COL5A2: variants seen among roughly 807,000 people sequenced by gnomAD.
COL5A2 encodes the protein collagen alpha-2(V) chain.
Under a neutral mutation model 208.2 loss-of-function variants are expected in COL5A2, and 23 were observed. That is an observed-to-expected ratio of 0.11 (90% confidence interval 0.08 to 0.16). The LOEUF (loss-of-function observed/expected upper bound fraction) is 0.16. COL5A2 is among the 10% of genes least tolerant of loss of function. The probability of loss-of-function intolerance (pLI) is 1.00; values close to 1 mark genes in which losing one functional copy is unlikely to be tolerated. For missense variants in COL5A2, 1,590 were observed against 1,956.4 expected (o/e 0.81, Z 3.53); for synonymous variants, 625 against 628.5 (o/e 0.99, Z 0.08).
chr2:189,363,697 G>C, the COL5A2 span, among the ~76,000 whole-genome samples: 4 of 152,034 alleles, frequency 2.6e-5, no homozygotes, highest in Non-Finnish European at 1.5e-5. Flanking sequence ...TCAAATAACA[G>C]ATCAACTTCC....
At chr2:189,227,712 G>C (rs563773312), upstream of COL5A2, among the ~76,000 whole-genome samples, 1 of 151,948 alleles carries the variant, frequency 6.6e-6, no homozygotes, top group African/African-American at 2.4e-5. Flanking sequence ...AATACATAAA[G>C]CAAATATTGA....
the COL5A2 span, among the ~76,000 whole-genome samples, chr2:189,355,373 A>G: frequency 6.6e-6 from 1 of 152,108 alleles, no homozygotes; most frequent in African/African-American, 2.4e-5. Flanking sequence ...TAATATTGAC[A>G]GTGGGGTGTT....
the COL5A2 span, among the ~76,000 whole-genome samples, chr2:189,313,236 A>T: frequency 6.6e-6 from 1 of 152,222 alleles, no homozygotes; most frequent in Non-Finnish European, 1.5e-5. Flanking sequence ...TCTATGACTG[A>T]TAAGTTTACT....
chr2:189,426,240 T>C, the COL5A2 span, among the ~76,000 whole-genome samples: 1 of 152,140 alleles, frequency 6.6e-6, no homozygotes, highest in Non-Finnish European at 1.5e-5. Context: ...AGGTCTCAGA[T>C]AGAAATTAGG....
At chr2:189,193,633 A>G (rs1038214244) in intron 1 of COL5A2, among the ~76,000 whole-genome samples, 1 of 152,182 alleles carries the variant, frequency 6.6e-6, no homozygotes, top group African/African-American at 2.4e-5. Context: ...AGAGGGATTA[A>G]ATAACATGCA....
chr2:189,220,207 A>G (rs1244338636), intron 1 of COL5A2, among the ~76,000 whole-genome samples: 1 of 152,180 alleles, frequency 6.6e-6, no homozygotes, highest in African/African-American at 2.4e-5. Flanking sequence ...TCCAGGTAGT[A>G]TATTGCTGTG....
the COL5A2 span, among the ~76,000 whole-genome samples, chr2:189,325,481 G>GAC: frequency 0.045 from 6,691 of 148,922 alleles, 173 homozygotes; most frequent in African/African-American, 0.066. Flanking sequence ...TCCCCAAACA[G>GAC]ACACACACAC....
the COL5A2 span, among the ~76,000 whole-genome samples, chr2:189,312,828 C>A: frequency 2.0e-5 from 3 of 151,312 alleles, no homozygotes; most frequent in Non-Finnish European, 2.9e-5. Context: ...AGACTCTCAG[C>A]ATACCACAGA....
At chr2:189,086,093 C>T (rs544454557) in intron 9 of COL5A2, among the ~76,000 whole-genome samples, 13 of 152,204 alleles carry the variant, frequency 8.5e-5, no homozygotes, top group Non-Finnish European at 1.8e-4. Context: ...TCACCATCAT[C>T]AACCACATTT....
chr2:189,198,735 T>TAA (rs34159739), intron 1 of COL5A2, among the ~76,000 whole-genome samples: 114,260 of 151,766 alleles, frequency 0.75, 45,220 homozygotes, highest in Non-Finnish European at 0.88. Context: ...AAAACATATA[T>TAA]GTTTTCATTT....
At chr2:189,161,686 G>A (rs538247746) in intron 1 of COL5A2, among the ~76,000 whole-genome samples, 2 of 152,126 alleles carry the variant, frequency 1.3e-5, no homozygotes, top group African/African-American at 2.4e-5. Flanking sequence ...CTTTTATTGA[G>A]TTTCTACTAT....
chr2:189,114,600 C>T (rs1303603216), intron 1 of COL5A2, among the ~76,000 whole-genome samples: 2 of 143,778 alleles, frequency 1.4e-5, no homozygotes, highest in South Asian at 4.4e-4. Flanking sequence ...CCCAAGCTGA[C>T]GTCCAAAGCT....
At chr2:189,323,949 G>C in the COL5A2 span, among the ~76,000 whole-genome samples, 1 of 152,178 alleles carries the variant, frequency 6.6e-6, no homozygotes, top group Non-Finnish European at 1.5e-5. Flanking sequence ...AACTAAAACA[G>C]CATGATACTA....
At chr2:189,432,085 T>C in the COL5A2 span, among the ~76,000 whole-genome samples, 2 of 152,158 alleles carry the variant, frequency 1.3e-5, no homozygotes, top group African/African-American at 4.8e-5. Flanking sequence ...GAATTTCATA[T>C]CCAGCCAAAC....
the COL5A2 span, among the ~76,000 whole-genome samples, chr2:189,401,293 C>T: frequency 6.6e-6 from 1 of 152,148 alleles, no homozygotes; most frequent in African/African-American, 2.4e-5. Flanking sequence ...TCAGCTGCCA[C>T]TTATAAGTGA....
upstream of COL5A2, chr2:189,179,842 C>A: frequency 1.6e-6 from 1 of 643,986 alleles, no homozygotes; most frequent in South Asian, 2.0e-5. Context: ...TCAGCTTGTT[C>A]AGGCTCATAA....
the COL5A2 span, among the ~76,000 whole-genome samples, chr2:189,243,979 T>C: frequency 6.6e-6 from 1 of 152,200 alleles, no homozygotes; most frequent in Non-Finnish European, 1.5e-5. Context: ...TTGGCCCCTT[T>C]CAGCCACAGC....
At position 189,052,733 on chromosome 2, in the gene COL5A2, C is replaced by T. The variant is rs774654781; in HGVS notation, c.2715+16G>A. ...AATTAGCTGTGCATACTTTGCAGAG[C>T]ATCAAATAAACTTACAGGCGGACCT... On this transcript the variant is annotated intron_variant, in intron 40 of 53. Transcript: ENST00000374866. 67 of 1,613,308 alleles carry T rather than the reference C, an allele frequency of 4.2e-5. No individual in the cohort carries two copies. The highest frequency in any genetic ancestry group is 5.3e-5 in the Non-Finnish European group (63 of 1,179,354).
At chr2:189,074,989 A>G (rs1290900069) in intron 17 of COL5A2, among the ~76,000 whole-genome samples, 3 of 152,156 alleles carry the variant, frequency 2.0e-5, no homozygotes, top group African/African-American at 7.2e-5. Flanking sequence ...ACCATTTAAC[A>G]TGGTAAGTAT....
Sources: gnomAD v4.1 joint callset for allele counts (sites outside exome capture counted in the v4.1 genomes callset) on GRCh38, gnomAD v4.1.1 for gene constraint, MANE v1.5 for transcripts, NCBI Gene and HGNC (gene_info 2026-07-23, HGNC 2026-07-21) for gene names.